The following CSGALNACT1 variants were observed in gnomAD, a reference collection of about 807,000 sequenced individuals.
CSGALNACT1 encodes chondroitin sulfate N-acetylgalactosaminyltransferase 1, also known as beta4GalNAcT-1.
Under a neutral mutation model 51.0 loss-of-function variants are expected in CSGALNACT1, and 52 were observed. The ratio of observed to expected loss-of-function variants is 1.02; its 90% CI spans 0.82 to 1.29. The LOEUF is 1.29. CSGALNACT1 is among the 50% of genes most tolerant of loss of function. The probability of loss-of-function intolerance (pLI) is 0.00; values close to 1 mark genes in which losing one functional copy is unlikely to be tolerated. For synonymous variants in CSGALNACT1, 341 were observed against 254.4 expected, an observed-to-expected ratio of 1.34 and a Z score of -3.24; for missense variants, 935 against 679.2, an observed-to-expected ratio of 1.38 and a Z score of -4.19.
At chr8:19,659,315 C>T (rs1015935689) in intron 1 of CSGALNACT1, among the ~76,000 whole-genome samples, 4 of 152,214 alleles carry the variant, frequency 2.6e-5, no homozygotes, top group African/African-American at 9.7e-5. Context: ...CTCTTGATTT[C>T]AAGCAACACT....
chr8:19,486,403 A>T (rs576858005), intron 4 of CSGALNACT1, among the ~76,000 whole-genome samples: 1 of 152,126 alleles, frequency 6.6e-6, no homozygotes, highest in Admixed American at 6.6e-5. Context: ...GGGTCTTCCC[A>T]TCTCACTGAG....
intron 9 of CSGALNACT1, 23 bp downstream of exon 8, chr8:19,408,590 G>T: frequency 6.2e-7 from 1 of 1,601,528 alleles, no homozygotes; most frequent in South Asian, 1.1e-5. Context: ...CTGGGTGGCA[G>T]TAGAGATGCA....
intron 1 of CSGALNACT1, among the ~76,000 whole-genome samples, chr8:19,679,609 C>G (rs1452101029): frequency 1.3e-5 from 2 of 152,038 alleles, no homozygotes; most frequent in East Asian, 1.9e-4. Context: ...CTAGGATACT[C>G]GCTATTCTTC....
intron 3 of CSGALNACT1, among the ~76,000 whole-genome samples, chr8:19,514,058 A>C (rs546646574): frequency 6.6e-6 from 1 of 152,172 alleles, no homozygotes; most frequent in African/African-American, 2.4e-5. Flanking sequence ...TTCCATTGAG[A>C]CTTTCATTAG....
intron 1 of CSGALNACT1, among the ~76,000 whole-genome samples, chr8:19,755,456 C>CAAAAAAAAAAAAAGAAAAAAAAAA (rs2065301153): frequency 1.3e-5 from 1 of 74,532 alleles, no homozygotes; most frequent in African/African-American, 4.7e-5. Context: ...TAAAGAAAGA[C>CAAAAAAAAAAAAAGAAAAAAAAAA]AAAAAAAAAA....
At chr8:19,555,146 G>A (rs2089401191) in intron 3 of CSGALNACT1, among the ~76,000 whole-genome samples, 2 of 151,864 alleles carry the variant, frequency 1.3e-5, no homozygotes, top group South Asian at 4.1e-4. Context: ...GGCTGAGGCA[G>A]GAAAATAGCT....
intron 6 of CSGALNACT1, among the ~76,000 whole-genome samples, chr8:19,421,352 G>A (rs904486902): frequency 6.6e-6 from 1 of 152,164 alleles, no homozygotes; most frequent in African/African-American, 2.4e-5. Flanking sequence ...CTTTCCCAGG[G>A]ACAGCAGAAC....
At chr8:19,697,084 T>C (rs2154218998) in intron 1 of CSGALNACT1, among the ~76,000 whole-genome samples, 1 of 151,950 alleles carries the variant, frequency 6.6e-6, no homozygotes, top group African/African-American at 2.4e-5. Flanking sequence ...GAACGGGAAG[T>C]GTGAGTTTCA....
chr8:19,600,733 C>T (rs2050226974), intron 2 of CSGALNACT1, among the ~76,000 whole-genome samples: 1 of 151,748 alleles, frequency 6.6e-6, no homozygotes. Flanking sequence ...TCCACACACC[C>T]TCATTTAAGT....
intron 1 of CSGALNACT1, among the ~76,000 whole-genome samples, chr8:19,639,223 G>A (rs958979427): frequency 6.6e-6 from 1 of 152,136 alleles, no homozygotes; most frequent in Admixed American, 6.5e-5. Context: ...AACAATAACA[G>A]GCTTTATGTC....
chr8:19,495,282 A>C (rs1012694702), intron 4 of CSGALNACT1: 3 of 152,250 alleles, frequency 2.0e-5, no homozygotes, highest in African/African-American at 7.2e-5. Context: ...CAGGAAATAC[A>C]GGGAGGCAGT....
intron 8 of CSGALNACT1, 39 bp from the exon 8 acceptor site, chr8:19,408,733 G>A (rs914840506): frequency 8.8e-6 from 14 of 1,589,490 alleles, no homozygotes; most frequent in African/African-American, 2.7e-5. Context: ...GAAAGTTTAG[G>A]GTGGACAAAA....
chr8:19,639,617 T>C (rs2056508277), intron 1 of CSGALNACT1, among the ~76,000 whole-genome samples: 1 of 152,226 alleles, frequency 6.6e-6, no homozygotes, highest in Non-Finnish European at 1.5e-5. Context: ...CTATGTATCA[T>C]ACCAAGTCTT....
chr8:19,484,715 G>A (rs943450275), intron 4 of CSGALNACT1, among the ~76,000 whole-genome samples: 2 of 152,122 alleles, frequency 1.3e-5, no homozygotes, highest in African/African-American at 4.8e-5. Flanking sequence ...CTAATCCCTA[G>A]TACCTCAGAA....
At chr8:19,756,308 G>A (rs1231442328) in intron 1 of CSGALNACT1, among the ~76,000 whole-genome samples, 1 of 151,972 alleles carries the variant, frequency 6.6e-6, no homozygotes, top group African/African-American at 2.4e-5. Flanking sequence ...ACTGCACCAA[G>A]GCTTTGAAAC....
chr8:19,428,943 A>C (rs2059234703), intron 6 of CSGALNACT1, among the ~76,000 whole-genome samples: 1 of 151,494 alleles, frequency 6.6e-6, no homozygotes, highest in Non-Finnish European at 1.5e-5. Context: ...AAAATTTTAA[A>C]GTGTATAAAT....
chr8:19,644,709 CAAAAAAAAAAA>C (rs756025465), intron 1 of CSGALNACT1, among the ~76,000 whole-genome samples: 16 of 22,272 alleles, frequency 7.2e-4, no homozygotes, highest in African/African-American at 1.8e-3. Context: ...GACTCCGTCT[CAAAAAAAAAAA>C]AAAAAAAAAA....
chr8:19,571,447 G>GC (rs1468861766), intron 3 of CSGALNACT1, among the ~76,000 whole-genome samples: 4 of 149,418 alleles, frequency 2.7e-5, no homozygotes, highest in East Asian at 2.0e-4. Context: ...ATTAAGAGTA[G>GC]CCCCCCACCA....
At chr8:19,612,251 G>A (rs968911675) in intron 1 of CSGALNACT1, among the ~76,000 whole-genome samples, 22 of 151,960 alleles carry the variant, frequency 1.4e-4, no homozygotes, top group Middle Eastern at 6.8e-3. Flanking sequence ...CCTGAGGCGA[G>A]AGAATTGCTT....
Sources: allele counts gnomAD v4.1 joint callset (sites outside exome capture counted in the v4.1 genomes callset), GRCh38; gene constraint gnomAD v4.1.1; transcripts MANE v1.5; gene names NCBI Gene and HGNC (gene_info 2026-07-23, HGNC 2026-07-21).